COL16A1: variants seen among roughly 807,000 people sequenced by gnomAD.
The protein encoded by COL16A1 is collagen alpha-1(XVI) chain.
COL16A1 carries 189 observed loss-of-function variants against 266.3 expected under a neutral mutation model. That is an observed-to-expected ratio of 0.71 (90% confidence interval 0.63 to 0.80). The LOEUF (loss-of-function observed/expected upper bound fraction) is 0.80. Among genes scored for constraint, COL16A1 ranks in the 30% least tolerant of loss-of-function variants. The pLI is 0.00. For synonymous variants in COL16A1, 740 were observed against 782.3 expected (o/e 0.95, Z 0.90); for missense variants, 1,928 against 2,122.4 (o/e 0.91, Z 1.80).
chr1:31,658,869 G>A, intron 63 of COL16A1, 45 bp downstream of exon 63: 2 of 1,549,606 alleles, frequency 1.3e-6, no homozygotes, highest in Non-Finnish European at 1.7e-6. Flanking sequence ...AGTCAAGCAG[G>A]GCAAAACTCC....
At position 31,695,216 on chromosome 1, in the gene COL16A1, C is replaced by A. The variant is rs772606360; in HGVS notation, c.951G>T (p.Pro317=). 6.2e-6 allele frequency: 10 copies of A among 1,613,720 alleles called. No individual in the cohort carries two copies. The Admixed American group carries it at 8.3e-5, about 13-fold the overall frequency. ...VHQETAADEC[P]PCVHGARDSN... The stretch of plus-strand genomic sequence containing the variant: ...TGTCCCGGGCACCATGGACACAGGG[C>A]GGACACTGAAAGGGAAGAGCAGGCG... The change falls in exon 11 of 71, where the codon CCG becomes CCT. Residue 317 remains proline, a synonymous_variant. Coordinates refer to ENST00000373672, the MANE Select transcript of COL16A1 (RefSeq NM_001856.4).
At position 31,680,940 on chromosome 1, in the gene COL16A1, A is replaced by T; in HGVS notation, c.2584-9T>A. 1 of 1,614,136 alleles carries T rather than the reference A, an allele frequency of 6.2e-7. No individual in the cohort carries two copies. The highest frequency in any genetic ancestry group is 8.5e-7 in the Non-Finnish European group (1 of 1,180,004). On this transcript the variant is annotated splice_polypyrimidine_tract_variant and intron_variant, in intron 38 of 70. Coordinates refer to ENST00000373672, the MANE Select transcript of COL16A1 (RefSeq NM_001856.4). ...CGTGGTCCTTTTTCACCCTGCAGGG[A>T]AGAAACACAGGAAGGTGAGCAGATA...
chr1:31,700,197 G>A (rs1644674823), intron 2 of COL16A1, 82 bp from the exon 3 acceptor site: 5 of 1,322,478 alleles, frequency 3.8e-6, no homozygotes, highest in Non-Finnish European at 5.4e-6. Context: ...AACCTGGGAG[G>A]GAGCAAGTTT....
In COL16A1 at chr1:31,697,870, GCA is replaced by G. The variant is rs777131746; in HGVS notation, c.657+34_657+35del. The G allele has an allele frequency of 6.8e-5, 106 of 1,561,578 alleles. 1 individual carries two copies. The East Asian group carries it at 2.4e-3, about 35-fold the overall frequency. On this transcript the variant is annotated intron_variant, in intron 6 of 70. Transcript: ENST00000373672. The surrounding 1 kb of genome is among the most constrained non-coding windows in gnomAD (Gnocchi z 4.2). ...GGAAGCCCACTCAGGTTCCCAGAAG[GCA>G]GGAACAGAGGTCAGGGCCTGACCTA...
At position 31,658,563 on chromosome 1, in the gene COL16A1, G is replaced by A. The variant is rs753970176; in HGVS notation, c.3945C>T (p.Asp1315=). The change falls in exon 64 of 71, where the codon GAC becomes GAT. Residue 1315 remains aspartate, a synonymous_variant. Coordinates refer to ENST00000373672, the MANE Select transcript of COL16A1 (RefSeq NM_001856.4). ...AGISAVGLKG[D]RGATGERGLA... ...GGCCCCTTTCTCCGGTGGCTCCTCGGTCTCCTTTCAGACCCTAGAGAATAG... is the reference window on the plus strand; with the variant it reads ...GGCCCCTTTCTCCGGTGGCTCCTCGATCTCCTTTCAGACCCTAGAGAATAG... 12 of 1,603,992 alleles carry A rather than the reference G, an allele frequency of 7.5e-6. No homozygotes were observed. In the African/African-American group the frequency reaches 1.6e-4, roughly 21 times the overall value.
Position 31,695,802 on chromosome 1 carries a change from G to C in COL16A1, c.919-15C>G, listed in dbSNP as rs753892637. 6.2e-7 allele frequency: 1 copy of C among 1,612,064 alleles called. No homozygotes were observed. Among genetic ancestry groups the C allele is most frequent in the Non-Finnish European group, 8.5e-7 (1 of 1,178,678 alleles). On this transcript the variant is annotated splice_polypyrimidine_tract_variant and intron_variant, in intron 9 of 70. Coordinates refer to ENST00000373672, the MANE Select transcript of COL16A1 (RefSeq NM_001856.4). ...TCCTGATGGACCTGAGGAAAGGGTG[G>C]GGGGTGTGGGAATGGGCAGGGAGCT...
rs955265764 is a variant in COL16A1, at chr1:31,670,202, G to A, written c.3195+400C>T. 6.5e-5 allele frequency: 13 copies of A among 199,832 alleles called. No homozygotes were observed. Among genetic ancestry groups the A allele is most frequent in the Admixed American group, 1.8e-4 (3 of 16,592 alleles). The allele number at this position is 199,832 out of a possible 1,614,324, so 12.4% of individuals were successfully genotyped here. A position where few individuals can be genotyped will look rare whatever the true frequency, so the allele number is the denominator to read the frequency against. On this transcript the variant is annotated intron_variant, in intron 49 of 70. Coordinates refer to ENST00000373672, the MANE Select transcript of COL16A1 (RefSeq NM_001856.4). This position sits in a 1 kb window ranked among gnomAD's most constrained non-coding sequence, Gnocchi z 4.5. The stretch of plus-strand genomic sequence containing the variant: ...TTTCAGCAAATCTTCAGGCAACGCC[G>A]AAGGTGGTGAGAAGCAGGAGGCAGA...
At chr1:31,662,764 G>A in intron 56 of COL16A1, 106 bp from the exon 57 acceptor site, 1 of 1,188,546 alleles carries the variant, frequency 8.4e-7, no homozygotes, top group Non-Finnish European at 1.2e-6. Flanking sequence ...GTGACTGCTG[G>A]AAACAGGACA....
rs189879758 is a variant in COL16A1, at chr1:31,662,541, C to T, written c.3627+46G>A. 163 of 1,548,396 alleles carry T rather than the reference C, an allele frequency of 1.1e-4. 1 individual carries two copies. The East Asian group carries it at 2.9e-3, about 27-fold the overall frequency. The stretch of plus-strand genomic sequence containing the variant: ...CACACACACATGCACCACACACATG[C>T]GCATGCATCGCACACGTCTGCCACG... On this transcript the variant is annotated intron_variant, in intron 57 of 70. Coordinates refer to ENST00000373672, the MANE Select transcript of COL16A1 (RefSeq NM_001856.4).
chr1:31,684,888 C>T (rs1643895532), intron 29 of COL16A1, 32 bp from the exon 30 acceptor site: 2 of 1,612,746 alleles, frequency 1.2e-6, no homozygotes, highest in Non-Finnish European at 1.7e-6. Flanking sequence ...CACCCGCTCA[C>T]TCATACCAGC....
rs1275803703 is a variant in COL16A1 at position 31,663,885 on chromosome 1, C to A, written c.3556-1227G>T. On this transcript the variant is annotated intron_variant, in intron 56 of 70. Transcript: ENST00000373672. This position sits in a 1 kb window ranked among gnomAD's most constrained non-coding sequence, Gnocchi z 4.9. ...AGCAGCATAGCGGGGAAGGTGGCTG[C>A]ATTCTCCCAGTGTGGAGAGGGTGGC... Among the ~76,000 whole-genome samples, 1 of 152,132 alleles carries A rather than the reference C, an allele frequency of 6.6e-6. No homozygotes were observed. Among genetic ancestry groups the A allele is most frequent in the Non-Finnish European group, 1.5e-5 (1 of 68,028 alleles).
In COL16A1 at chr1:31,697,020, C is replaced by T. The variant is rs1557695280; in HGVS notation, c.807G>A (p.Gln269=). ...AGCGGGTGTAGACCTTGCCTTCAGA[C>T]TGTGGATTGATCTCAATGAGCTCAT... ...QSNELIEINP[Q]SEGKVYTRCF... The change falls in exon 8 of 71, where the codon CAG becomes CAA. Residue 269 remains glutamine (Q), a synonymous_variant. Coordinates refer to ENST00000373672, the MANE Select transcript of COL16A1 (RefSeq NM_001856.4). The surrounding 1 kb of genome is among the most constrained non-coding windows in gnomAD (Gnocchi z 4.2). 4.3e-6 allele frequency: 7 copies of T among 1,614,194 alleles called. No individual in the cohort carries two copies. Among genetic ancestry groups the T allele is most frequent in the Non-Finnish European group, 5.9e-6 (7 of 1,180,026 alleles).
chr1:31,684,292 G>A lies in COL16A1; in HGVS notation c.2161-61C>T, dbSNP rs548619227. The A allele has an allele frequency of 3.0e-5, 44 of 1,451,072 alleles. No homozygotes were observed. In the Middle Eastern group the frequency reaches 2.0e-3, roughly 65 times the overall value. 89.9% of individuals were successfully genotyped at this position (1,451,072 alleles called of 1,614,324 possible). A position where few individuals can be genotyped will look rare whatever the true frequency, so the allele number is the denominator to read the frequency against. On this transcript the variant is annotated intron_variant, in intron 31 of 70. Transcript: ENST00000373672. ...CCGGGGCTGGCACCCAGGCCAGGAC[G>A]CCCTGCACCCCTCTGAACACTCTGC...
chr1:31,696,258 G>A, intron 8 of COL16A1, 117 bp from the exon 9 acceptor site: 1 of 866,054 alleles, frequency 1.2e-6, no homozygotes, highest in African/African-American at 1.7e-5. Flanking sequence ...CCTGGCATCT[G>A]GCACCTCCTG....
chr1:31,665,334 T>G, intron 55 of COL16A1, 100 bp from the exon 56 acceptor site: 9 of 1,512,480 alleles, frequency 6.0e-6, no homozygotes, highest in Non-Finnish European at 8.0e-6. Flanking sequence ...TTAATGCAAT[T>G]CATTTTGACT....
intron 8 of COL16A1, among the ~76,000 whole-genome samples, chr1:31,696,666 C>T (rs1394253352): frequency 6.6e-6 from 1 of 152,210 alleles, no homozygotes; most frequent in Non-Finnish European, 1.5e-5. Flanking sequence ...CCTGGTCCTG[C>T]CCTCATCAGA....
In COL16A1 at chr1:31,665,897, A is replaced by C. The variant is rs1642094679; in HGVS notation, c.3441T>G (p.Gly1147=). ...CGTCACTCACCTGGTCGCCCTTCTC[A>C]CCGGAGTTACCTTGGGGTCCTCGCT... is the stretch of plus-strand genomic sequence containing the variant. The part of the protein sequence containing the change: ...RGERGPQGNS[G]EKGDQGFQGQ... Residue 1147 remains glycine (G), a synonymous_variant, in exon 54 of 71, where the codon GGT becomes GGG. Transcript: ENST00000373672. 2 of 1,613,972 alleles carry C rather than the reference A, an allele frequency of 1.2e-6. No individual in the cohort carries two copies. The highest frequency in any genetic ancestry group is 4.5e-5 in the East Asian group (2 of 44,860).
intron 55 of COL16A1, 69 bp from the exon 56 acceptor site, chr1:31,665,303 C>T (rs1642032872): frequency 6.4e-7 from 1 of 1,564,672 alleles, no homozygotes; most frequent in Admixed American, 2.1e-5. Flanking sequence ...CTTTATTCTT[C>T]CTGTGCATGA....
chr1:31,696,215 G>T, intron 8 of COL16A1, 74 bp from the exon 9 acceptor site: 1 of 1,374,022 alleles, frequency 7.3e-7, no homozygotes, highest in Non-Finnish European at 1.0e-6. Context: ...GGGGCACCCA[G>T]GCAGGGGGCA....
Sources: allele counts gnomAD v4.1 joint callset (sites outside exome capture counted in the v4.1 genomes callset), GRCh38; gene constraint gnomAD v4.1.1; non-coding constraint Gnocchi (gnomAD v3.1); transcripts MANE v1.5; gene names NCBI Gene and HGNC (gene_info 2026-07-23, HGNC 2026-07-21).